SLC12A2: variants seen among roughly 807,000 people sequenced by gnomAD.
The protein encoded by SLC12A2 is solute carrier family 12 member 2.
SLC12A2 carries 67 observed loss-of-function variants against 136.3 expected under a neutral mutation model. The ratio of observed to expected loss-of-function variants is 0.49; its 90% CI spans 0.40 to 0.60. The LOEUF (loss-of-function observed/expected upper bound fraction) is 0.60, where lower values mean the gene tolerates loss of function less well. SLC12A2 is among the 20% of genes least tolerant of loss of function. The pLI, the probability that SLC12A2 is intolerant of heterozygous loss-of-function variation, is 0.00. For synonymous variants in SLC12A2, 619 were observed against 562.9 expected (o/e 1.10, Z -1.41); for missense variants, 1,322 against 1,534.7 (o/e 0.86, Z 2.32).
chr5:128,149,976 T>C (rs1581113752), intron 12 of SLC12A2, 21 bp from the exon 13 acceptor site: 2 of 1,519,556 alleles, frequency 1.3e-6, no homozygotes, highest in East Asian at 4.5e-5. Flanking sequence ...TCAGTAAATC[T>C]CGCATGTGTT....
chr5:128,097,723 A>G (rs1760596368), intron 1 of SLC12A2, among the ~76,000 whole-genome samples: 1 of 152,104 alleles, frequency 6.6e-6, no homozygotes, highest in Non-Finnish European at 1.5e-5. Context: ...GATGATAAAC[A>G]TGTTGTTCTT....
In SLC12A2 at chr5:128,114,274, T is replaced by A. The variant is rs1385388874; in HGVS notation, c.939T>A (p.Gly313=). The change falls in exon 3 of 27, where the codon GGT becomes GGA. Residue 313 remains glycine, a synonymous_variant. Transcript: ENST00000262461. ...TCATTAGATTGTCATGGATTGTGGG[T>A]CAAGCTGGAATAGGTAAGTGAAGTT... ...MLFIRLSWIV[G]QAGIGLSVLV... The A allele has an allele frequency of 1.9e-6, 3 of 1,612,776 alleles. No homozygotes were observed.
At chr5:128,134,510 C>G (rs929118850) in intron 6 of SLC12A2, among the ~76,000 whole-genome samples, 1 of 151,966 alleles carries the variant, frequency 6.6e-6, no homozygotes, top group Non-Finnish European at 1.5e-5. Context: ...TTGAATTTCC[C>G]GCCTTCTCGC....
At position 128,103,048 on chromosome 5, in the gene SLC12A2, A is replaced by G. The variant is rs368405651; in HGVS notation, c.757-9766A>G. Reference sequence around the variant, plus strand: ...ACAATTTTAAACAGTGCTGATATGAACGTTTTTATACGAGTATCTTGCTTC... The same window carrying G: ...ACAATTTTAAACAGTGCTGATATGAGCGTTTTTATACGAGTATCTTGCTTC... On this transcript the variant is annotated intron_variant, in intron 1 of 26. Transcript: ENST00000262461. 5.3e-5 allele frequency among the ~76,000 whole-genome samples: 8 copies of G among 152,316 alleles called. No homozygotes were observed. The South Asian group carries it at 1.7e-3, about 32-fold the overall frequency.
chr5:128,126,350 A>G (rs906964009), intron 4 of SLC12A2, among the ~76,000 whole-genome samples: 38 of 152,340 alleles, frequency 2.5e-4, no homozygotes, highest in Admixed American at 6.5e-4. Context: ...CATCAGAGAA[A>G]TGCAAATCAT....
At chr5:128,118,060 T>C (rs894144423) in intron 4 of SLC12A2, among the ~76,000 whole-genome samples, 2 of 151,942 alleles carry the variant, frequency 1.3e-5, no homozygotes, top group African/African-American at 4.8e-5. Context: ...AAAAAAATAA[T>C]AAAAATAACA....
intron 17 of SLC12A2, among the ~76,000 whole-genome samples, chr5:128,166,851 T>G (rs1763220876): frequency 6.6e-6 from 1 of 152,082 alleles, no homozygotes; most frequent in South Asian, 2.1e-4. Flanking sequence ...AAAACTTGTG[T>G]GTGCACACAA....
At chr5:128,089,208 T>G (rs181719517) in intron 1 of SLC12A2, among the ~76,000 whole-genome samples, 7 of 151,226 alleles carry the variant, frequency 4.6e-5, no homozygotes, top group Non-Finnish European at 7.4e-5. Context: ...AAGAAATTGC[T>G]TAATAGCCAC....
At chr5:128,178,833 G>C (rs1763613535) in intron 22 of SLC12A2, 144 bp downstream of exon 22, 7 of 528,628 alleles carry the variant, frequency 1.3e-5, no homozygotes, top group Non-Finnish European at 2.2e-5. Flanking sequence ...TCAGAATCAG[G>C]CACAGCCTTT....
intron 22 of SLC12A2, 104 bp downstream of exon 22, chr5:128,178,793 C>G (rs1011186974): frequency 9.0e-6 from 7 of 776,108 alleles, no homozygotes; most frequent in South Asian, 3.5e-5. Context: ...TCAAATTTTG[C>G]CAGCATTCCC....
intron 4 of SLC12A2, among the ~76,000 whole-genome samples, chr5:128,115,909 G>C (rs1213569344): frequency 6.6e-6 from 1 of 152,152 alleles, no homozygotes. Context: ...CTGGTATCTT[G>C]TATCAATATG....
At chr5:128,171,871 G>C (rs549016370) in intron 19 of SLC12A2, 125 bp downstream of exon 19, 3 of 585,448 alleles carry the variant, frequency 5.1e-6, no homozygotes, top group South Asian at 5.4e-5. Context: ...CTTATTGTAT[G>C]GCATTTTAAG....
intron 1 of SLC12A2, among the ~76,000 whole-genome samples, chr5:128,089,286 G>C (rs894742307): frequency 6.6e-6 from 1 of 152,162 alleles, no homozygotes; most frequent in African/African-American, 2.4e-5. Flanking sequence ...TGCTTGGGAG[G>C]CTGAGGCAGG....
chr5:128,120,512 T>G (rs1761519394), intron 4 of SLC12A2, among the ~76,000 whole-genome samples: 1 of 151,528 alleles, frequency 6.6e-6, no homozygotes, highest in East Asian at 1.9e-4. Flanking sequence ...ATATACACCA[T>G]GGAATACTAT....
intron 12 of SLC12A2, 25 bp from the exon 13 acceptor site, chr5:128,149,972 A>C (rs965040896): frequency 2.0e-6 from 3 of 1,484,190 alleles, no homozygotes; most frequent in Non-Finnish European, 2.8e-6. Context: ...TACGTCAGTA[A>C]ATCTCGCATG....
chr5:128,184,619 T>C (rs1763810691), intron 25 of SLC12A2, 118 bp downstream of exon 25: 2 of 1,321,196 alleles, frequency 1.5e-6, no homozygotes. Flanking sequence ...TTAAAATAGA[T>C]TTATTTGAGG....
chr5:128,170,214 G>T (rs533481120), intron 18 of SLC12A2: 28 of 152,100 alleles, frequency 1.8e-4, no homozygotes, highest in African/African-American at 6.3e-4. Context: ...ATATTCCCTG[G>T]CTTTAAAGAA....
intron 1 of SLC12A2, among the ~76,000 whole-genome samples, chr5:128,089,845 A>T (rs1331451798): frequency 6.6e-6 from 1 of 152,212 alleles, no homozygotes; most frequent in African/African-American, 2.4e-5. Flanking sequence ...GTTGATGCCT[A>T]GTCAAGAAAT....
chr5:128,148,973 C>A, intron 12 of SLC12A2, 96 bp downstream of exon 12: 1 of 1,075,792 alleles, frequency 9.3e-7, no homozygotes, highest in Non-Finnish European at 1.3e-6. Context: ...TCTTGGTATA[C>A]TAAGTTTCTT....
Sources: allele counts gnomAD v4.1 joint callset (sites outside exome capture counted in the v4.1 genomes callset), GRCh38; gene constraint gnomAD v4.1.1; transcripts MANE v1.5; gene names NCBI Gene and HGNC (gene_info 2026-07-23, HGNC 2026-07-21).